Variants in SAMD3 observed in about 807,000 individuals in gnomAD.
The protein encoded by SAMD3 is sterile alpha motif domain-containing protein 3.
In SAMD3, 63 loss-of-function variants were observed where a neutral mutation model predicts 58.5. That is an observed-to-expected ratio of 1.08 (90% CI 0.88 to 1.33). The LOEUF (loss-of-function observed/expected upper bound fraction) is 1.33, where lower values mean the gene tolerates loss of function less well. Ranked by LOEUF, SAMD3 falls within the 40% of genes most tolerant of loss-of-function variation. SAMD3 has a pLI of 0.00. For missense variants in SAMD3, 604 were observed against 608.4 expected (o/e 0.99, Z 0.08); for synonymous variants, 220 against 210.3 (o/e 1.05, Z -0.40).
At chr6:130,153,697 A>T (rs189490094) in intron 9 of SAMD3, among the ~76,000 whole-genome samples, 1 of 113,068 alleles carries the variant, frequency 8.8e-6, no homozygotes, top group Non-Finnish European at 2.0e-5. Flanking sequence ...AAAATTTGAG[A>T]CAGGGTCTCA....
chr6:130,329,581 T>C (rs897343960), intron 1 of SAMD3, among the ~76,000 whole-genome samples: 2 of 152,144 alleles, frequency 1.3e-5, no homozygotes, highest in Non-Finnish European at 2.9e-5. Flanking sequence ...ACCCAAAGGA[T>C]TATAAATCAT....
At chr6:130,344,539 G>A (rs933698599) in intron 1 of SAMD3, among the ~76,000 whole-genome samples, 1 of 152,006 alleles carries the variant, frequency 6.6e-6, no homozygotes, top group Non-Finnish European at 1.5e-5. Context: ...ACACCATCAG[G>A]CCTGGCTAAT....
chr6:130,185,011 T>G lies in SAMD3; in HGVS notation c.384-388A>C, dbSNP rs910778057. Among the ~76,000 whole-genome samples the G allele has an allele frequency of 2.6e-5, 4 of 152,330 alleles. No individual in the cohort carries two copies. In the East Asian group the frequency reaches 7.7e-4, roughly 29 times the overall value. ...AAAGCAAATGAGGCCTACCATAAAG[T>G]CTTAGCACCTGTTAAGAAAATTCTT... On this transcript the variant is annotated intron_variant, in intron 5 of 11. Coordinates refer to ENST00000439090, the MANE Select transcript of SAMD3 (RefSeq NM_001017373.4).
intron 2 of SAMD3, among the ~76,000 whole-genome samples, chr6:130,304,424 C>A (rs1190899844): frequency 6.6e-6 from 1 of 152,294 alleles, no homozygotes. Flanking sequence ...CCCGCCTCGG[C>A]CTCCCAAAGT....
intron 2 of SAMD3, among the ~76,000 whole-genome samples, chr6:130,243,640 T>C (rs530738001): frequency 4.5e-4 from 68 of 152,334 alleles, no homozygotes; most frequent in Non-Finnish European, 8.4e-4. Context: ...TGAGTTCTTA[T>C]CGAATTCTAG....
At chr6:130,336,758 C>T (rs1047050781) in intron 1 of SAMD3, among the ~76,000 whole-genome samples, 2 of 152,146 alleles carry the variant, frequency 1.3e-5, no homozygotes, top group African/African-American at 4.8e-5. Context: ...TGTACCTATG[C>T]CAAAATCTGA....
intron 2 of SAMD3, among the ~76,000 whole-genome samples, chr6:130,233,434 A>G (rs1796600738): frequency 6.6e-6 from 1 of 152,198 alleles, no homozygotes; most frequent in African/African-American, 2.4e-5. Flanking sequence ...AAACATGGAA[A>G]GGATTTGATT....
At chr6:130,297,086 T>C (rs1274116191) in intron 2 of SAMD3, among the ~76,000 whole-genome samples, 1 of 152,180 alleles carries the variant, frequency 6.6e-6, no homozygotes, top group Non-Finnish European at 1.5e-5. Flanking sequence ...CTGAACTGCA[T>C]CACCAAATAA....
chr6:130,161,515 G>C (rs1790278688), intron 8 of SAMD3: 1 of 152,130 alleles, frequency 6.6e-6, no homozygotes, highest in African/African-American at 2.4e-5. Context: ...TTAACACAGT[G>C]TTGGTGGGTT....
chr6:130,161,808 A>G (rs1345559363), intron 8 of SAMD3: 1 of 153,350 alleles, frequency 6.5e-6, no homozygotes, highest in Admixed American at 6.5e-5. Flanking sequence ...CACTTCTCTA[A>G]CAGGCTGATT....
At chr6:130,355,100 C>T (rs1481292450) in intron 1 of SAMD3, among the ~76,000 whole-genome samples, 3 of 152,158 alleles carry the variant, frequency 2.0e-5, no homozygotes, top group African/African-American at 7.2e-5. Flanking sequence ...CCATCTGTAG[C>T]AGCACCTGTA....
chr6:130,197,340 C>T (rs906421121), intron 5 of SAMD3, among the ~76,000 whole-genome samples: 11 of 152,196 alleles, frequency 7.2e-5, no homozygotes, highest in African/African-American at 1.2e-4. Context: ...TTTACACTGC[C>T]GGTTTACACC....
At chr6:130,254,655 A>AT (rs79282001) in intron 2 of SAMD3, among the ~76,000 whole-genome samples, 63,224 of 151,950 alleles carry the variant, frequency 0.42, 14,253 homozygotes, top group African/African-American at 0.58. Flanking sequence ...AGCCAGCCTG[A>AT]TTTTTCCTCC....
chr6:130,345,197 C>A (rs954346257), intron 1 of SAMD3, among the ~76,000 whole-genome samples: 1 of 152,066 alleles, frequency 6.6e-6, no homozygotes, highest in African/African-American at 2.4e-5. Flanking sequence ...AAGAAGCCTG[C>A]GTAAGCAGGA....
chr6:130,296,200 C>A (rs1320676421), intron 2 of SAMD3, among the ~76,000 whole-genome samples: 2 of 152,182 alleles, frequency 1.3e-5, no homozygotes, highest in African/African-American at 2.4e-5. Flanking sequence ...CACTGGATGT[C>A]AGTTCTCCTC....
chr6:130,199,226 G>C (rs1168337114), intron 5 of SAMD3, among the ~76,000 whole-genome samples: 1 of 152,094 alleles, frequency 6.6e-6, no homozygotes, highest in Admixed American at 6.5e-5. Flanking sequence ...TGCTTTCCAG[G>C]GACTGAACTG....
chr6:130,315,640 C>T (rs749167635), intron 1 of SAMD3, among the ~76,000 whole-genome samples: 1 of 151,940 alleles, frequency 6.6e-6, no homozygotes, highest in Non-Finnish European at 1.5e-5. Flanking sequence ...GGTTGATTCA[C>T]CTGCCTAAGT....
intron 10 of SAMD3, 105 bp downstream of exon 10, chr6:130,145,905 C>A: frequency 2.0e-6 from 1 of 504,404 alleles, no homozygotes. Flanking sequence ...TTTTAAAACT[C>A]AATAAATGTA....
At chr6:130,275,761 T>C (rs1774752649) in intron 2 of SAMD3, among the ~76,000 whole-genome samples, 1 of 152,162 alleles carries the variant, frequency 6.6e-6, no homozygotes, top group South Asian at 2.1e-4. Context: ...TTTTCTTCTT[T>C]GTATATCATA....
Sources: allele counts gnomAD v4.1 joint callset (sites outside exome capture counted in the v4.1 genomes callset), GRCh38; gene constraint gnomAD v4.1.1; transcripts MANE v1.5; gene names NCBI Gene and HGNC (gene_info 2026-07-23, HGNC 2026-07-21).